The following UNC13B variants were observed in gnomAD, a reference collection of about 807,000 sequenced individuals.
UNC13B encodes the protein protein unc-13 homolog B.
Under a neutral mutation model 211.0 loss-of-function variants are expected in UNC13B, and 144 were observed. That is an observed-to-expected ratio of 0.68 (90% CI 0.60 to 0.78). The LOEUF (loss-of-function observed/expected upper bound fraction) is 0.78, where lower values mean the gene tolerates loss of function less well. Ranked by LOEUF, UNC13B falls within the 30% of genes least tolerant of loss-of-function variation. The probability of loss-of-function intolerance (pLI) is 0.00; values close to 1 mark genes in which losing one functional copy is unlikely to be tolerated. For synonymous variants in UNC13B, 709 were observed against 725.8 expected (o/e 0.98, Z 0.37); for missense variants, 1,777 against 2,002.0 (o/e 0.89, Z 2.14).
At position 35,381,085 on chromosome 9, in the gene UNC13B, T is replaced by C; in HGVS notation, c.10376-15T>C. ...GTTGCATTGGTGTCAATCTCCAGTCTTCTTTCCTTCCTAGAGAAGAGGACA... is the reference window on the plus strand; with the variant it reads ...GTTGCATTGGTGTCAATCTCCAGTCCTCTTTCCTTCCTAGAGAAGAGGACA... On this transcript the variant is annotated splice_polypyrimidine_tract_variant and intron_variant, in intron 18 of 39. Transcript: ENST00000635942. 1 of 1,610,316 alleles carries C rather than the reference T, an allele frequency of 6.2e-7. No homozygotes were observed. Among genetic ancestry groups the C allele is most frequent in the Non-Finnish European group, 8.5e-7 (1 of 1,177,042 alleles).
chr9:35,258,291 G>A (rs1827052513), intron 6 of UNC13B, among the ~76,000 whole-genome samples: 1 of 152,164 alleles, frequency 6.6e-6, no homozygotes, highest in African/African-American at 2.4e-5. Flanking sequence ...TCCAGACTCT[G>A]TGTACCCCTG....
intron 1 of UNC13B, among the ~76,000 whole-genome samples, chr9:35,184,662 C>A (rs968024738): frequency 6.6e-6 from 1 of 151,394 alleles, no homozygotes; most frequent in African/African-American, 2.4e-5. Flanking sequence ...GAGCCAAGAC[C>A]ACCGCAGTAC....
intron 29 of UNC13B, 34 bp from the exon 30 acceptor site, chr9:35,397,601 C>T (rs765705171): frequency 1.3e-6 from 2 of 1,596,444 alleles, no homozygotes; most frequent in Non-Finnish European, 1.7e-6. Context: ...GCTAAGAGTT[C>T]CCTTTCCTTT....
At chr9:35,214,946 T>G (rs1824176229) in intron 1 of UNC13B, among the ~76,000 whole-genome samples, 1 of 152,194 alleles carries the variant, frequency 6.6e-6, no homozygotes, top group Non-Finnish European at 1.5e-5. Context: ...CTCTACTAAC[T>G]TGAACAATCC....
intron 7 of UNC13B, among the ~76,000 whole-genome samples, chr9:35,281,409 C>CA (rs1286695035): frequency 0.092 from 8,189 of 89,290 alleles, 400 homozygotes; most frequent in African/African-American, 0.18. Flanking sequence ...GAGACTGTCT[C>CA]AAAAAAAAAA....
chr9:35,351,846 C>T (rs894060169), intron 11 of UNC13B: 2 of 1,232,160 alleles, frequency 1.6e-6, no homozygotes, highest in African/African-American at 3.1e-5. Flanking sequence ...GTCAGCATTA[C>T]CACAAGCTGT....
chr9:35,179,582 G>A, intron 1 of UNC13B, among the ~76,000 whole-genome samples: 1 of 152,136 alleles, frequency 6.6e-6, no homozygotes, highest in East Asian at 1.9e-4. Context: ...CTTGAGCACA[G>A]GATTTTGAGA....
At chr9:35,208,997 T>G (rs1564069097) in intron 1 of UNC13B, among the ~76,000 whole-genome samples, 1 of 152,206 alleles carries the variant, frequency 6.6e-6, no homozygotes, top group African/African-American at 2.4e-5. Context: ...ATGATTAAAA[T>G]TATCTATAAT....
intron 7 of UNC13B, among the ~76,000 whole-genome samples, chr9:35,261,337 T>C (rs1827261040): frequency 6.6e-6 from 1 of 152,146 alleles, no homozygotes; most frequent in Non-Finnish European, 1.5e-5. Flanking sequence ...AAAGTCAACA[T>C]AACTGAAATA....
At chr9:35,190,089 C>A (rs1428038300) in intron 1 of UNC13B, among the ~76,000 whole-genome samples, 1 of 152,154 alleles carries the variant, frequency 6.6e-6, no homozygotes, top group Non-Finnish European at 1.5e-5. Context: ...GAAAGATCCG[C>A]AAAATTAACG....
At chr9:35,164,216 T>G (rs1820918633) in intron 1 of UNC13B, among the ~76,000 whole-genome samples, 1 of 152,144 alleles carries the variant, frequency 6.6e-6, no homozygotes, top group South Asian at 2.1e-4. Flanking sequence ...AGAGTTTCAC[T>G]GTGTTGGCTA....
chr9:35,358,238 G>T (rs1833160965), intron 11 of UNC13B, among the ~76,000 whole-genome samples: 1 of 152,054 alleles, frequency 6.6e-6, no homozygotes, highest in Non-Finnish European at 1.5e-5. Flanking sequence ...CCACCTTTTG[G>T]CTATTGTGAA....
rs1829879601 is a variant in UNC13B at position 35,305,479 on chromosome 9, G to C, written c.6075G>C (p.Gln2025His). Residue 2025 changes from glutamine to histidine, a missense_variant, in exon 9 of 40, where the codon CAG (glutamine) becomes CAC (histidine). Physicochemically the swap from Gln to His is conservative, Grantham distance 24 (BLOSUM62 0). Transcript: ENST00000635942. ...CTACTCCTATGGAGCTAGCTAGCCA[G>C]GGTGCTGGGAACTTTCCTGCTGCAC... The part of the protein sequence containing the change: ...SSPTPMELAS[Q>H]GAGNFPAAPI... The C allele has an allele frequency of 2.5e-6, 1 of 398,838 alleles. No individual in the cohort carries two copies. The highest frequency in any genetic ancestry group is 2.1e-5 in the African/African-American group (1 of 48,610). 24.7% of individuals were successfully genotyped at this position (398,838 alleles called of 1,614,324 possible).
intron 11 of UNC13B, chr9:35,352,883 G>GA: frequency 8.1e-7 from 1 of 1,232,178 alleles, no homozygotes. Flanking sequence ...CCAAAAACAT[G>GA]AAGCATGTAA....
chr9:35,238,148 CTATA>C (rs1184196236), intron 5 of UNC13B, among the ~76,000 whole-genome samples: 4 of 152,098 alleles, frequency 2.6e-5, no homozygotes, highest in Admixed American at 1.3e-4. Context: ...CTTGAAGTGA[CTATA>C]TATACCTTCT....
intron 37 of UNC13B, among the ~76,000 whole-genome samples, chr9:35,402,288 T>C (rs1488435182): frequency 6.7e-6 from 1 of 150,294 alleles, no homozygotes; most frequent in African/African-American, 2.4e-5. Context: ...TTTTCTTTTT[T>C]TTTTTTTTTT....
intron 17 of UNC13B, among the ~76,000 whole-genome samples, chr9:35,379,994 A>T (rs1401757046): frequency 6.6e-6 from 1 of 152,170 alleles, no homozygotes; most frequent in African/African-American, 2.4e-5. Context: ...CACCAAGCAC[A>T]TAGTTAGGCA....
At chr9:35,241,724 G>A (rs1825826015) in intron 5 of UNC13B, among the ~76,000 whole-genome samples, 1 of 152,176 alleles carries the variant, frequency 6.6e-6, no homozygotes, top group Non-Finnish European at 1.5e-5. Context: ...AGCAGCAGCA[G>A]CTCCTCTGCC....
chr9:35,404,866 T>G lies in UNC13B; in HGVS notation c.*833T>G, dbSNP rs1315663165. 1 of 152,596 alleles carries G rather than the reference T, an allele frequency of 6.6e-6. No individual in the cohort carries two copies. The highest frequency in any genetic ancestry group is 1.5e-5 in the Non-Finnish European group (1 of 68,042). 9.5% of individuals were successfully genotyped at this position (152,596 alleles called of 1,614,324 possible). On this transcript the variant is annotated 3_prime_UTR_variant, in exon 40 of 40. Coordinates refer to ENST00000635942, the MANE Select transcript of UNC13B (RefSeq NM_001371189.2). ...GAGTATTTTCTTCTTGGGTGGGCCCTGAACAAAGCCAAAAATTGTAGAAAC... is the reference window on the plus strand; with the variant it reads ...GAGTATTTTCTTCTTGGGTGGGCCCGGAACAAAGCCAAAAATTGTAGAAAC...
Sources: allele counts gnomAD v4.1 joint callset (sites outside exome capture counted in the v4.1 genomes callset), GRCh38; gene constraint gnomAD v4.1.1; transcripts MANE v1.5; gene names NCBI Gene and HGNC (gene_info 2026-07-23, HGNC 2026-07-21).